Variants in GPC6 observed in about 807,000 individuals in gnomAD.
The protein encoded by GPC6 is glypican-6.
In GPC6, 14 loss-of-function variants were observed where a neutral mutation model predicts 55.2. That is an observed-to-expected ratio of 0.25 (90% CI 0.17 to 0.40). The LOEUF (loss-of-function observed/expected upper bound fraction) is 0.40, where lower values mean the gene tolerates loss of function less well. GPC6 is among the 10% of genes least tolerant of loss of function. GPC6 has a pLI of 1.00. For missense variants in GPC6, 641 were observed against 708.5 expected (o/e 0.90, Z 1.08); for synonymous variants, 278 against 259.6 (o/e 1.07, Z -0.68).
intron 3 of GPC6, among the ~76,000 whole-genome samples, chr13:93,975,124 A>T (rs989787329): frequency 6.6e-6 from 1 of 152,192 alleles, no homozygotes; most frequent in African/African-American, 2.4e-5. Flanking sequence ...AGCTATCATT[A>T]CTTTAACAAG....
intron 4 of GPC6, among the ~76,000 whole-genome samples, chr13:94,123,233 A>C (rs1886697912): frequency 6.6e-6 from 1 of 152,046 alleles, no homozygotes. Context: ...TACAATGACA[A>C]AAATATATGA....
At chr13:93,932,973 C>CTTTTTTTTT (rs59362571) in intron 3 of GPC6, among the ~76,000 whole-genome samples, 1 of 102,376 alleles carries the variant, frequency 9.8e-6, no homozygotes. Context: ...TTGTTTTGTT[C>CTTTTTTTTT]TTTTTTTTTT....
At position 94,229,513 on chromosome 13, in the gene GPC6, C is replaced by T. The variant is rs962077844; in HGVS notation, c.878-56836C>T. ...TGTAGCCTGAATAGGAAAGAAACTA[C>T]AGAAGCCAAGGAGTATTTTAATTAC... is the stretch of plus-strand genomic sequence containing the variant. On this transcript the variant is annotated intron_variant, in intron 4 of 8. Coordinates refer to ENST00000377047, the MANE Select transcript of GPC6 (RefSeq NM_005708.5). Among the ~76,000 whole-genome samples, 4 of 152,144 alleles carry T rather than the reference C, an allele frequency of 2.6e-5. No homozygotes were observed. In the East Asian group the frequency reaches 7.7e-4, roughly 29 times the overall value.
At chr13:93,561,268 A>T (rs1875777249) in intron 2 of GPC6, among the ~76,000 whole-genome samples, 1 of 151,896 alleles carries the variant, frequency 6.6e-6, no homozygotes, top group Non-Finnish European at 1.5e-5. Flanking sequence ...AATTTCTTTC[A>T]CTGGAATAAT....
chr13:94,158,244 G>A (rs1888024821), intron 4 of GPC6, among the ~76,000 whole-genome samples: 1 of 152,140 alleles, frequency 6.6e-6, no homozygotes, highest in African/African-American at 2.4e-5. Flanking sequence ...GATACTAGCT[G>A]TGAATCAATG....
intron 1 of GPC6, among the ~76,000 whole-genome samples, chr13:93,449,832 A>C (rs1878157867): frequency 6.6e-6 from 1 of 152,004 alleles, no homozygotes; most frequent in African/African-American, 2.4e-5. Context: ...AAAAAAAAAA[A>C]AGAGTAAAGT....
intron 4 of GPC6, among the ~76,000 whole-genome samples, chr13:94,248,315 T>C (rs920065571): frequency 6.6e-6 from 1 of 152,106 alleles, no homozygotes; most frequent in African/African-American, 2.4e-5. Context: ...GATGAATGCT[T>C]CCAAATTTGG....
chr13:93,798,010 A>G (rs1170697829), intron 2 of GPC6, among the ~76,000 whole-genome samples: 1 of 152,214 alleles, frequency 6.6e-6, no homozygotes, highest in Non-Finnish European at 1.5e-5. Flanking sequence ...GAAAGGCAGT[A>G]GAATAATGAA....
intron 1 of GPC6, among the ~76,000 whole-genome samples, chr13:93,530,232 T>C (rs1881813081): frequency 6.6e-6 from 1 of 152,168 alleles, no homozygotes; most frequent in Admixed American, 6.6e-5. Context: ...AAAACCTGGA[T>C]CAGTTACCTT....
intron 1 of GPC6, among the ~76,000 whole-genome samples, chr13:93,541,558 G>A (rs1882301686): frequency 2.6e-5 from 2 of 76,180 alleles, no homozygotes; most frequent in African/African-American, 5.2e-5. Flanking sequence ...GGGATGGCTG[G>A]GTCAAATGGT....
intron 1 of GPC6, among the ~76,000 whole-genome samples, chr13:93,537,568 T>A (rs1882110425): frequency 6.6e-6 from 1 of 152,196 alleles, no homozygotes; most frequent in African/African-American, 2.4e-5. Context: ...TTTGTATTTT[T>A]ACGTATTAGA....
chr13:93,790,444 A>C (rs1310708630), intron 2 of GPC6, among the ~76,000 whole-genome samples: 17 of 152,188 alleles, frequency 1.1e-4, no homozygotes, highest in Admixed American at 1.1e-3. Flanking sequence ...AGTGAACAGA[A>C]AGCCTAGAAG....
At chr13:93,494,768 C>G (rs1880186428) in intron 1 of GPC6, among the ~76,000 whole-genome samples, 2 of 150,118 alleles carry the variant, frequency 1.3e-5, no homozygotes, top group Admixed American at 6.7e-5. Context: ...TATTTTATTT[C>G]TCCTTCACTT....
At chr13:94,187,667 G>A (rs903358861) in intron 4 of GPC6, among the ~76,000 whole-genome samples, 1 of 152,164 alleles carries the variant, frequency 6.6e-6, no homozygotes, top group East Asian at 1.9e-4. Context: ...AGGTGCTGGA[G>A]TTACAACAGT....
chr13:93,853,080 T>C (rs1888464168), intron 3 of GPC6, among the ~76,000 whole-genome samples: 1 of 151,772 alleles, frequency 6.6e-6, no homozygotes, highest in South Asian at 2.1e-4. Flanking sequence ...CTATGTTTAC[T>C]ATTTCCTCTT....
At chr13:93,973,883 A>T (rs1373450266) in intron 3 of GPC6, among the ~76,000 whole-genome samples, 1 of 152,158 alleles carries the variant, frequency 6.6e-6, no homozygotes, top group East Asian at 1.9e-4. Flanking sequence ...CTAGATTTTA[A>T]ATGACTCTCC....
intron 4 of GPC6, among the ~76,000 whole-genome samples, chr13:94,151,058 G>A (rs776490510): frequency 6.6e-6 from 1 of 151,808 alleles, no homozygotes; most frequent in Non-Finnish European, 1.5e-5. Context: ...GGAAACTAAA[G>A]CTGCCTGGCC....
chr13:94,070,315 A>G (rs944184086), intron 4 of GPC6, among the ~76,000 whole-genome samples: 10 of 152,180 alleles, frequency 6.6e-5, no homozygotes, highest in African/African-American at 2.4e-4. Flanking sequence ...TCCTCCTGTG[A>G]CATGTAGGAA....
chr13:93,641,380 A>G (rs1465017823), intron 2 of GPC6, among the ~76,000 whole-genome samples: 1 of 152,064 alleles, frequency 6.6e-6, no homozygotes, highest in Non-Finnish European at 1.5e-5. Flanking sequence ...TGTTCACTGT[A>G]TTCTGACTGC....
Sources: gnomAD v4.1 joint callset for allele counts (sites outside exome capture counted in the v4.1 genomes callset) on GRCh38, gnomAD v4.1.1 for gene constraint, MANE v1.5 for transcripts, NCBI Gene and HGNC (gene_info 2026-07-23, HGNC 2026-07-21) for gene names.